GAD2: variants seen among roughly 807,000 people sequenced by gnomAD.
The protein encoded by GAD2 is glutamate decarboxylase 2.
Under a neutral mutation model 80.1 loss-of-function variants are expected in GAD2, and 22 were observed. That is an observed-to-expected ratio of 0.27 (90% CI 0.20 to 0.39). The LOEUF (loss-of-function observed/expected upper bound fraction) is 0.39, where lower values mean the gene tolerates loss of function less well. GAD2 is among the 10% of genes least tolerant of loss of function. GAD2 has a pLI of 1.00. For missense variants in GAD2, 624 were observed against 738.4 expected (o/e 0.85, Z 1.80); for synonymous variants, 274 against 256.9 (o/e 1.07, Z -0.64).
At chr10:26,247,065 G>A (rs1289489207) in intron 8 of GAD2, among the ~76,000 whole-genome samples, 1 of 152,192 alleles carries the variant, frequency 6.6e-6, no homozygotes, top group African/African-American at 2.4e-5. Flanking sequence ...TGAAATGAAA[G>A]CAAGTTTATT....
chr10:26,287,461 A>G (rs1845346803), intron 13 of GAD2, among the ~76,000 whole-genome samples: 1 of 152,244 alleles, frequency 6.6e-6, no homozygotes, highest in Admixed American at 6.5e-5. Context: ...ATGCACATTC[A>G]AAGGAGGTAA....
chr10:26,272,420 C>T (rs991125544), intron 10 of GAD2, among the ~76,000 whole-genome samples: 6 of 152,160 alleles, frequency 3.9e-5, no homozygotes, highest in African/African-American at 1.4e-4. Flanking sequence ...TAAATTAGAA[C>T]TAGGGAATCT....
Position 26,217,245 on chromosome 10 carries a change from A to G in GAD2, c.76+360A>G, listed in dbSNP as rs569197076. Among the ~76,000 whole-genome samples the G allele has an allele frequency of 3.3e-5, 5 of 151,728 alleles. No homozygotes were observed. The highest frequency in any genetic ancestry group is 1.2e-4 in the African/African-American group (5 of 41,306). ...CGTGAAGATAGAAAAAAAAAATGGG[A>G]AAGGTGAGAGATTTCTTTATCTAGA... On this transcript the variant is annotated intron_variant, in intron 1 of 15. Transcript: ENST00000376261. The surrounding 1 kb of genome is among the most constrained non-coding windows in gnomAD (Gnocchi z 4.9).
At chr10:26,294,151 G>T (rs1334153052) in intron 15 of GAD2, among the ~76,000 whole-genome samples, 1 of 152,174 alleles carries the variant, frequency 6.6e-6, no homozygotes, top group Non-Finnish European at 1.5e-5. Flanking sequence ...GATTTGGTTG[G>T]TTTGGGGGTT....
intron 8 of GAD2, among the ~76,000 whole-genome samples, chr10:26,262,487 G>A (rs144833685): frequency 1.8e-3 from 267 of 151,640 alleles, no homozygotes; most frequent in African/African-American, 6.1e-3. Flanking sequence ...AGATATTTGT[G>A]TATCTGTTGA....
intron 7 of GAD2, among the ~76,000 whole-genome samples, chr10:26,238,214 A>G (rs752124446): frequency 2.0e-5 from 3 of 152,190 alleles, no homozygotes; most frequent in African/African-American, 7.2e-5. Context: ...GGCACCTCAC[A>G]TGCCACAGCT....
At chr10:26,218,331 A>T in intron 3 of GAD2, 2 of 257,214 alleles carry the variant, frequency 7.8e-6, no homozygotes, top group East Asian at 1.5e-4. Context: ...CTCGGGTGGG[A>T]CTCAGTTTCC....
intron 15 of GAD2, among the ~76,000 whole-genome samples, chr10:26,296,054 G>A (rs975344503): frequency 2.6e-5 from 4 of 152,094 alleles, no homozygotes; most frequent in Non-Finnish European, 4.4e-5. Context: ...TTCTAGAGGC[G>A]GGGAAGTCCA....
Position 26,303,081 on chromosome 10 carries a change from G to A in GAD2, c.*2120G>A, listed in dbSNP as rs1589157333. 6.6e-6 allele frequency: 1 copy of A among 152,202 alleles called. No homozygotes were observed. The highest frequency in any genetic ancestry group is 1.5e-5 in the Non-Finnish European group (1 of 68,036). 9.4% of individuals were successfully genotyped at this position (152,202 alleles called of 1,614,324 possible). A position where few individuals can be genotyped will look rare whatever the true frequency, so the allele number is the denominator to read the frequency against. On this transcript the variant is annotated 3_prime_UTR_variant, in exon 16 of 16. Coordinates refer to ENST00000376261, the MANE Select transcript of GAD2 (RefSeq NM_001134366.2). ...TTCGTGGAGAAGACAGTGGGGCCCA[G>A]TGCCCTGGTGAACCAACCCTGCTGT...
intron 7 of GAD2, among the ~76,000 whole-genome samples, chr10:26,242,173 A>G (rs1171974062): frequency 1.3e-5 from 2 of 151,994 alleles, no homozygotes; most frequent in Non-Finnish European, 2.9e-5. Flanking sequence ...TTTTTAGTAG[A>G]GACAGAGTTT....
rs1834330275 is a variant in GAD2, at chr10:26,301,592, G to T, written c.*631G>T. On this transcript the variant is annotated 3_prime_UTR_variant, in exon 16 of 16. Coordinates refer to ENST00000376261, the MANE Select transcript of GAD2 (RefSeq NM_001134366.2). ...TTTTTTTTTCCTTTCTCTTAATGGA[G>T]GCACAATAAAACACTTAGCAAAGTT... The T allele has an allele frequency of 6.6e-6, 1 of 151,984 alleles. No homozygotes were observed. Among genetic ancestry groups the T allele is most frequent in the Non-Finnish European group, 1.5e-5 (1 of 68,026 alleles). 9.4% of individuals were successfully genotyped at this position (151,984 alleles called of 1,614,324 possible). A position where few individuals can be genotyped will look rare whatever the true frequency, so the allele number is the denominator to read the frequency against.
At chr10:26,300,020 T>C (rs1834312347) in intron 15 of GAD2, among the ~76,000 whole-genome samples, 1 of 152,206 alleles carries the variant, frequency 6.6e-6, no homozygotes, top group Admixed American at 6.5e-5. Flanking sequence ...TGAAGATTCA[T>C]TTTGGCAAGT....
chr10:26,218,980 A>G lies in GAD2; in HGVS notation c.287-63A>G, dbSNP rs1336919591. On this transcript the variant is annotated intron_variant, in intron 3 of 15. Coordinates refer to ENST00000376261, the MANE Select transcript of GAD2 (RefSeq NM_001134366.2). ...TCAAAGAAATGTTATTGCCTCATCAAGATCTTGCCTTGAATATTTTCAAAG... is the reference window on the plus strand; with the variant it reads ...TCAAAGAAATGTTATTGCCTCATCAGGATCTTGCCTTGAATATTTTCAAAG... The G allele has an allele frequency of 4.7e-6, 6 of 1,265,294 alleles. No individual in the cohort carries two copies. In the East Asian group the frequency reaches 1.5e-4, roughly 31 times the overall value. The allele number at this position is 1,265,294 out of a possible 1,614,324, so 78.4% of individuals were successfully genotyped here.
intron 6 of GAD2, among the ~76,000 whole-genome samples, chr10:26,228,422 C>T (rs1469547864): frequency 3.9e-5 from 6 of 152,140 alleles, no homozygotes. Context: ...TTAGCTAATA[C>T]AATTCTATTA....
chr10:26,245,562 T>C (rs927858405), intron 7 of GAD2, among the ~76,000 whole-genome samples: 1 of 151,822 alleles, frequency 6.6e-6, no homozygotes, highest in East Asian at 1.9e-4. Context: ...CTCAGCCTCC[T>C]GAGTAGCTGG....
intron 11 of GAD2, 65 bp downstream of exon 11, chr10:26,273,765 A>C: frequency 7.1e-7 from 1 of 1,403,080 alleles, no homozygotes; most frequent in Non-Finnish European, 1.0e-6. Flanking sequence ...CACAAATTAC[A>C]GTCAATTTCC....
intron 13 of GAD2, among the ~76,000 whole-genome samples, chr10:26,290,348 C>T (rs1458093155): frequency 6.6e-6 from 1 of 152,154 alleles, no homozygotes; most frequent in Non-Finnish European, 1.5e-5. Flanking sequence ...GGACGGAGAG[C>T]TCATTCCTGG....
chr10:26,225,655 A>G (rs1208522132), intron 6 of GAD2, among the ~76,000 whole-genome samples: 1 of 152,212 alleles, frequency 6.6e-6, no homozygotes, highest in Non-Finnish European at 1.5e-5. Flanking sequence ...AAAAGTGAAA[A>G]GAAGAAATGA....
chr10:26,252,803 C>T (rs1440207451), intron 8 of GAD2, among the ~76,000 whole-genome samples: 1 of 152,010 alleles, frequency 6.6e-6, no homozygotes, highest in African/African-American at 2.4e-5. Context: ...GGATTACAGG[C>T]ATGTGCAACC....
Sources: gnomAD v4.1 joint callset for allele counts (sites outside exome capture counted in the v4.1 genomes callset) on GRCh38, gnomAD v4.1.1 for gene constraint, Gnocchi (gnomAD v3.1) non-coding constraint, MANE v1.5 for transcripts, NCBI Gene and HGNC (gene_info 2026-07-23, HGNC 2026-07-21) for gene names.